The following CEP128 variants were observed in gnomAD, a reference collection of about 807,000 sequenced individuals.
CEP128 encodes the protein centrosomal protein 128.
In CEP128, 132 loss-of-function variants were observed where a neutral mutation model predicts 156.7. The ratio of observed to expected loss-of-function variants is 0.84; its 90% CI spans 0.73 to 0.97. CEP128 has a LOEUF of 0.97. CEP128 is among the 50% of genes least tolerant of loss of function. The pLI is 0.00. For synonymous variants in CEP128, 469 were observed against 448.9 expected, an observed-to-expected ratio of 1.04 and a Z score of -0.57; for missense variants, 1,252 against 1,281.9, an observed-to-expected ratio of 0.98 and a Z score of 0.36.
rs1884552365 is a variant in CEP128 at position 80,916,344 on chromosome 14, C to G, written c.147+57G>C. On this transcript the variant is annotated intron_variant, in intron 3 of 24. Coordinates refer to ENST00000555265, the MANE Select transcript of CEP128 (RefSeq NM_152446.5). The stretch of plus-strand genomic sequence containing the variant: ...AAGAAAACTAATCCACTGACTGAAA[C>G]TATTAAGCAGCTCAAACTATTTAAA... 3 of 1,408,686 alleles carry G rather than the reference C, an allele frequency of 2.1e-6. No individual in the cohort carries two copies. The African/African-American group carries it at 4.3e-5, about 20-fold the overall frequency. 87.3% of individuals were successfully genotyped at this position (1,408,686 alleles called of 1,614,324 possible).
chr14:80,659,704 C>T (rs1301437916), intron 19 of CEP128, among the ~76,000 whole-genome samples: 1 of 152,160 alleles, frequency 6.6e-6, no homozygotes, highest in Admixed American at 6.6e-5. Flanking sequence ...TAGCAGAGGC[C>T]AGTACCAATC....
At chr14:80,829,351 A>G (rs186796075) in intron 13 of CEP128, among the ~76,000 whole-genome samples, 89 of 152,344 alleles carry the variant, frequency 5.8e-4, no homozygotes, top group African/African-American at 2.1e-3. Flanking sequence ...TCATTCTCAA[A>G]AAGAAATTTA....
intron 21 of CEP128, among the ~76,000 whole-genome samples, chr14:80,543,270 G>A (rs1374400800): frequency 6.6e-6 from 1 of 152,184 alleles, no homozygotes; most frequent in South Asian, 2.1e-4. Context: ...CCTGACGACT[G>A]CTGCCAAAGC....
intron 19 of CEP128, among the ~76,000 whole-genome samples, chr14:80,735,532 T>G (rs896368180): frequency 2.6e-5 from 4 of 152,226 alleles, no homozygotes; most frequent in African/African-American, 9.6e-5. Flanking sequence ...GCTGGAAAAT[T>G]TCTTGATATA....
intron 19 of CEP128, among the ~76,000 whole-genome samples, chr14:80,742,373 G>C (rs1426256430): frequency 6.6e-6 from 1 of 151,648 alleles, no homozygotes; most frequent in Non-Finnish European, 1.5e-5. Flanking sequence ...CCTCACCTTG[G>C]GCTGGTCCTC....
intron 19 of CEP128, among the ~76,000 whole-genome samples, chr14:80,616,089 T>A (rs1278897396): frequency 6.6e-6 from 1 of 152,332 alleles, no homozygotes; most frequent in Middle Eastern, 3.4e-3. Flanking sequence ...AGAGTAAAGG[T>A]CGCCGGTGGC....
chr14:80,645,052 T>C (rs1379838455), intron 19 of CEP128, among the ~76,000 whole-genome samples: 1 of 152,132 alleles, frequency 6.6e-6, no homozygotes, highest in Non-Finnish European at 1.5e-5. Context: ...TGGGCCAGAT[T>C]ATCAAAACAT....
Position 80,948,145 on chromosome 14 carries a change from GTC to G in CEP128, c.-171-8607_-171-8606del, listed in dbSNP as rs140798361. ...CTACTCAAAATTCTCTCTCAATCAA[GTC>G]AGTGGTGAAATTCACTCTCTTTACA... On this transcript the variant is annotated intron_variant, in intron 2 of 7. Transcript: ENST00000555529. Among the ~76,000 whole-genome samples the G allele has an allele frequency of 8.0e-3, 1,221 of 152,314 alleles. 11 individuals are homozygous for G. Among genetic ancestry groups the G allele is most frequent in the Non-Finnish European group, 9.9e-3 (673 of 68,034 alleles).
chr14:80,760,596 A>G (rs1899911991), intron 17 of CEP128, among the ~76,000 whole-genome samples: 1 of 152,112 alleles, frequency 6.6e-6, no homozygotes, highest in African/African-American at 2.4e-5. Flanking sequence ...CCATCATATC[A>G]CCAAATGCAG....
At chr14:80,750,728 CAAT>C (rs1259560325) in intron 18 of CEP128, among the ~76,000 whole-genome samples, 1 of 152,094 alleles carries the variant, frequency 6.6e-6, no homozygotes, top group Non-Finnish European at 1.5e-5. Context: ...TTTGTCCTAA[CAAT>C]AATACTAATG....
chr14:80,682,802 GAAAAT>G (rs1896374153), intron 19 of CEP128, among the ~76,000 whole-genome samples: 1 of 152,146 alleles, frequency 6.6e-6, no homozygotes, highest in South Asian at 2.1e-4. Context: ...CACTCGCAGA[GAAAAT>G]AAATTCCAAA....
chr14:80,950,567 A>G (rs1408989718), intron 2 of CEP128, among the ~76,000 whole-genome samples: 1 of 152,240 alleles, frequency 6.6e-6, no homozygotes, highest in Admixed American at 6.5e-5. Flanking sequence ...ATTTGAAGAC[A>G]TAGCAAAAGA....
chr14:80,772,322 G>A (rs1291091081), intron 16 of CEP128, among the ~76,000 whole-genome samples: 1 of 152,124 alleles, frequency 6.6e-6, no homozygotes, highest in Non-Finnish European at 1.5e-5. Flanking sequence ...CAAAAGAGAG[G>A]AGCATCTGAA....
chr14:80,758,948 T>C (rs979974650), intron 17 of CEP128, among the ~76,000 whole-genome samples: 17 of 152,198 alleles, frequency 1.1e-4, no homozygotes, highest in African/African-American at 4.1e-4. Context: ...TATGAACCTA[T>C]ACCTGTCTTG....
At chr14:80,891,265 G>C (rs562948810) in intron 8 of CEP128, among the ~76,000 whole-genome samples, 45 of 152,166 alleles carry the variant, frequency 3.0e-4, no homozygotes, top group African/African-American at 8.2e-4. Flanking sequence ...CACATTTATT[G>C]CAGCACTATC....
chr14:80,686,644 G>C (rs10137867), intron 19 of CEP128, among the ~76,000 whole-genome samples: 1 of 152,016 alleles, frequency 6.6e-6, no homozygotes, highest in South Asian at 2.1e-4. Context: ...GCTGGATAAA[G>C]AGTTAAGACC....
intron 23 of CEP128, among the ~76,000 whole-genome samples, chr14:80,518,460 T>G (rs1179718619): frequency 6.6e-6 from 1 of 152,162 alleles, no homozygotes; most frequent in Non-Finnish European, 1.5e-5. Context: ...TGGGGAAGTA[T>G]TCTATAAACG....
chr14:80,796,032 G>A (rs1343404513), intron 13 of CEP128, among the ~76,000 whole-genome samples: 1 of 152,120 alleles, frequency 6.6e-6, no homozygotes, highest in Non-Finnish European at 1.5e-5. Context: ...CCAGTACCAT[G>A]TACTCATCTT....
At chr14:80,640,226 T>C (rs1894352568) in intron 19 of CEP128, among the ~76,000 whole-genome samples, 1 of 152,136 alleles carries the variant, frequency 6.6e-6, no homozygotes, top group Non-Finnish European at 1.5e-5. Flanking sequence ...AATATGTCAT[T>C]AGTGATAGGT....
Sources: allele counts gnomAD v4.1 joint callset (sites outside exome capture counted in the v4.1 genomes callset), GRCh38; gene constraint gnomAD v4.1.1; transcripts MANE v1.5; gene names NCBI Gene and HGNC (gene_info 2026-07-23, HGNC 2026-07-21).